Variants in ZHX2 observed in about 807,000 individuals in gnomAD.
ZHX2 encodes the protein zinc fingers and homeoboxes 2.
A neutral mutation model predicts 21.9 loss-of-function variants in ZHX2; 6 were observed. The ratio of observed to expected loss-of-function variants is 0.27; its 90% CI spans 0.15 to 0.54. ZHX2 has a LOEUF of 0.54. ZHX2 is among the 20% of genes least tolerant of loss of function. The probability of loss-of-function intolerance (pLI) is 0.95; values close to 1 mark genes in which losing one functional copy is unlikely to be tolerated. For missense variants in ZHX2, 908 were observed against 1,090.7 expected (o/e 0.83, Z 2.36); for synonymous variants, 434 against 437.1 (o/e 0.99, Z 0.09).
chr8:122,935,493 C>T (rs1346098181), intron 2 of ZHX2, among the ~76,000 whole-genome samples: 1 of 151,106 alleles, frequency 6.6e-6, no homozygotes, highest in Non-Finnish European at 1.5e-5. Context: ...CTGAGATACC[C>T]TCTCCTCAGA....
intron 2 of ZHX2, among the ~76,000 whole-genome samples, chr8:122,936,203 A>G (rs991653104): frequency 1.3e-5 from 2 of 152,212 alleles, no homozygotes; most frequent in African/African-American, 4.8e-5. Context: ...TGCCTCTCAC[A>G]GTTCACTCCC....
chr8:122,812,551 T>C (rs912162755), intron 1 of ZHX2, among the ~76,000 whole-genome samples: 2 of 152,208 alleles, frequency 1.3e-5, no homozygotes, highest in African/African-American at 2.4e-5. Flanking sequence ...CTCTCATGTC[T>C]CTGCTCCAGA....
At position 122,973,889 on chromosome 8, in the gene ZHX2, G is replaced by A. The variant is rs544610410; in HGVS notation, c.*652G>A. ...CAGTTCTTCCCCTGGCTGCCTTTTT[G>A]GGGGTCCCTGCCTTAGCCCCACACA... On this transcript the variant is annotated 3_prime_UTR_variant, in exon 4 of 4. Coordinates refer to ENST00000314393, the MANE Select transcript of ZHX2 (RefSeq NM_014943.5). 1 of 152,640 alleles carries A rather than the reference G, an allele frequency of 6.6e-6. No homozygotes were observed. The highest frequency in any genetic ancestry group is 2.4e-5 in the African/African-American group (1 of 41,530). The allele number at this position is 152,640 out of a possible 1,614,324, so 9.5% of individuals were successfully genotyped here. A position where few individuals can be genotyped will look rare whatever the true frequency, so the allele number is the denominator to read the frequency against.
At chr8:122,945,307 A>G (rs550686491) in intron 2 of ZHX2, among the ~76,000 whole-genome samples, 1 of 152,180 alleles carries the variant, frequency 6.6e-6, no homozygotes, top group South Asian at 2.1e-4. Flanking sequence ...TCCACTTGCA[A>G]CAGGGAGGGT....
intron 2 of ZHX2, among the ~76,000 whole-genome samples, chr8:122,866,087 C>G (rs757108276): frequency 1.4e-4 from 22 of 152,200 alleles, no homozygotes; most frequent in Non-Finnish European, 2.9e-5. Context: ...AATGGGGACA[C>G]CCTTACTATC....
At chr8:122,833,713 C>T (rs989219810) in intron 1 of ZHX2, among the ~76,000 whole-genome samples, 10 of 151,986 alleles carry the variant, frequency 6.6e-5, no homozygotes, top group African/African-American at 1.4e-4. Flanking sequence ...AAAGAGTGAG[C>T]GGGCCGGGCG....
chr8:122,900,934 C>T (rs1342806533), intron 2 of ZHX2, among the ~76,000 whole-genome samples: 1 of 152,112 alleles, frequency 6.6e-6, no homozygotes, highest in African/African-American at 2.4e-5. Context: ...ATCCTGCTTC[C>T]CATGTGTTGC....
At chr8:122,794,073 T>C (rs1359669312) in intron 1 of ZHX2, among the ~76,000 whole-genome samples, 1 of 152,196 alleles carries the variant, frequency 6.6e-6, no homozygotes, top group Non-Finnish European at 1.5e-5. Context: ...GATTCTCAGC[T>C]CTCTACCCCA....
chr8:122,954,139 G>A (rs16897799), intron 3 of ZHX2, 111 bp downstream of exon 3: 10,992 of 970,106 alleles, frequency 0.011, 198 homozygotes, highest in Admixed American at 0.066. Context: ...AGATGGTGGC[G>A]TCTTTTTCTT....
intron 2 of ZHX2, among the ~76,000 whole-genome samples, chr8:122,877,660 C>T (rs1183710067): frequency 1.3e-5 from 2 of 152,182 alleles, no homozygotes; most frequent in Non-Finnish European, 2.9e-5. Context: ...TCCAGGAACA[C>T]GGGAACCTCG....
chr8:122,829,472 T>C lies in ZHX2; in HGVS notation c.-282-34005T>C, dbSNP rs79693906. ...TTTCAAAGTTTATTTAATGTGCTTA[T>C]ATTCTCTTTATAATGACATGGACGT... On this transcript the variant is annotated intron_variant, in intron 1 of 3. Coordinates refer to ENST00000314393, the MANE Select transcript of ZHX2 (RefSeq NM_014943.5). Among the ~76,000 whole-genome samples the C allele has an allele frequency of 2.8e-3, 422 of 152,374 alleles. 8 individuals are homozygous for C. In the East Asian group the frequency reaches 0.065, roughly 24 times the overall value.
intron 2 of ZHX2, among the ~76,000 whole-genome samples, chr8:122,908,057 A>G (rs897093027): frequency 1.1e-4 from 16 of 152,186 alleles, no homozygotes; most frequent in Non-Finnish European, 1.5e-4. Flanking sequence ...CCTCTAAGTC[A>G]GTTCACAGGG....
intron 2 of ZHX2, among the ~76,000 whole-genome samples, chr8:122,937,182 G>A (rs980878084): frequency 1.3e-5 from 2 of 152,234 alleles, no homozygotes; most frequent in African/African-American, 2.4e-5. Flanking sequence ...GGAAAGCCCC[G>A]AGGAGGACCT....
intron 2 of ZHX2, among the ~76,000 whole-genome samples, chr8:122,917,898 C>T (rs778769422): frequency 7.2e-5 from 11 of 152,206 alleles, no homozygotes; most frequent in Non-Finnish European, 1.3e-4. Flanking sequence ...AGCATAGGTT[C>T]TCCTAGTAAG....
chr8:122,824,462 C>T (rs557522636), intron 1 of ZHX2, among the ~76,000 whole-genome samples: 59 of 152,276 alleles, frequency 3.9e-4, no homozygotes, highest in South Asian at 8.3e-4. Context: ...CGAACATGCT[C>T]GGGGACGTGC....
intron 2 of ZHX2, among the ~76,000 whole-genome samples, chr8:122,938,098 G>T (rs948520173): frequency 8.6e-5 from 13 of 151,806 alleles, no homozygotes; most frequent in African/African-American, 3.1e-4. Context: ...ACCATGTCCA[G>T]CTAATTTTTC....
chr8:122,949,559 C>T (rs4870831), intron 2 of ZHX2, among the ~76,000 whole-genome samples: 122,016 of 152,086 alleles, frequency 0.8, 49,367 homozygotes, highest in African/African-American at 0.91. Flanking sequence ...TTAAAACAGT[C>T]TTCTTGGCCA....
chr8:122,826,854 T>C (rs1461010304), intron 1 of ZHX2, among the ~76,000 whole-genome samples: 1 of 152,144 alleles, frequency 6.6e-6, no homozygotes, highest in Non-Finnish European at 1.5e-5. Context: ...GAGAGTAGAA[T>C]TCAGAGTCTT....
Position 122,933,437 on chromosome 8 carries a change from T to G in ZHX2, c.-219-17855T>G, listed in dbSNP as rs763268409. 2.6e-5 allele frequency among the ~76,000 whole-genome samples: 4 copies of G among 152,122 alleles called. 1 individual carries two copies. Among genetic ancestry groups the G allele is most frequent in the Admixed American group, 2.6e-4 (4 of 15,274 alleles). On this transcript the variant is annotated intron_variant, in intron 2 of 3. Transcript: ENST00000314393. ...TTTCTTCTTTCTGTCTTAGCAAGAT[T>G]TTTTTTTCTGCTTTCAGAAACACAT...
Sources: allele counts gnomAD v4.1 joint callset (sites outside exome capture counted in the v4.1 genomes callset), GRCh38; gene constraint gnomAD v4.1.1; transcripts MANE v1.5; gene names NCBI Gene and HGNC (gene_info 2026-07-23, HGNC 2026-07-21).